Variants in LOC122539214 observed in about 807,000 individuals in gnomAD.
the LOC122539214 span, among the ~76,000 whole-genome samples, chr19:52,656,226 C>CTCTATA: frequency 2.1e-3 from 309 of 145,044 alleles, no homozygotes; most frequent in African/African-American, 6.7e-3. Context: ...CTCTCTCTCT[C>CTCTATA]TATATATATA....
the LOC122539214 span, among the ~76,000 whole-genome samples, chr19:52,674,928 C>T: frequency 9.7e-3 from 1,478 of 152,274 alleles, 11 homozygotes; most frequent in Non-Finnish European, 0.015. Flanking sequence ...CCTCTGTTGG[C>T]CAGGCTGGTC....
chr19:52,654,268 T>C, the LOC122539214 span: 12 of 1,558,288 alleles, frequency 7.7e-6, no homozygotes, highest in Non-Finnish European at 9.7e-6. Context: ...GTCATGAATA[T>C]CTTTCTTGAT....
chr19:52,674,070 A>G, the LOC122539214 span: 13 of 151,780 alleles, frequency 8.6e-5, no homozygotes, highest in Admixed American at 3.3e-4. Context: ...GGAAAGCACC[A>G]CACATTTGCA....
chr19:52,655,728 G>C, the LOC122539214 span: 1 of 801,002 alleles, frequency 1.2e-6, no homozygotes. Context: ...TTAGGGAGGA[G>C]TCATTACCTT....
At chr19:52,667,094 A>G in the LOC122539214 span, among the ~76,000 whole-genome samples, 1 of 152,190 alleles carries the variant, frequency 6.6e-6, no homozygotes, top group Non-Finnish European at 1.5e-5. Flanking sequence ...AACGTTTTCA[A>G]CGAAAGTCAA....
At chr19:52,673,466 A>G in the LOC122539214 span, among the ~76,000 whole-genome samples, 2 of 152,050 alleles carry the variant, frequency 1.3e-5, no homozygotes, top group East Asian at 1.9e-4. Flanking sequence ...TCGCACCACT[A>G]CACTCCAGGG....
the LOC122539214 span, among the ~76,000 whole-genome samples, chr19:52,681,280 C>CAAAAAAAAAAAAAAAAAAAA: frequency 2.0e-4 from 15 of 75,420 alleles, no homozygotes; most frequent in African/African-American, 2.8e-4. Context: ...GAGACTTTCT[C>CAAAAAAAAAAAAAAAAAAAA]AAAAAAAAAA....
chr19:52,681,200 T>TCGAGCCCAGGAGACC, the LOC122539214 span, among the ~76,000 whole-genome samples: 1 of 140,328 alleles, frequency 7.1e-6, no homozygotes, highest in South Asian at 2.3e-4. Context: ...TAGGAGAATC[T>TCGAGCCCAGGAGACC]CGAGCCCAGG....
chr19:52,654,415 A>G, the LOC122539214 span: 3 of 1,047,892 alleles, frequency 2.9e-6, no homozygotes, highest in Non-Finnish European at 2.7e-6. Context: ...TAAAAAATAT[A>G]AAGACCAATA....
the LOC122539214 span, among the ~76,000 whole-genome samples, chr19:52,670,140 T>A: frequency 1.3e-5 from 2 of 152,118 alleles, no homozygotes; most frequent in South Asian, 2.1e-4. Context: ...CTCATTCTGA[T>A]CACCTGCTCC....
the LOC122539214 span, among the ~76,000 whole-genome samples, chr19:52,668,601 C>G: frequency 1.3e-5 from 2 of 152,108 alleles, no homozygotes; most frequent in Non-Finnish European, 2.9e-5. Context: ...TATGACATGC[C>G]TCGTGCCAAA....
the LOC122539214 span, among the ~76,000 whole-genome samples, chr19:52,685,115 C>T: frequency 6.6e-6 from 1 of 152,114 alleles, no homozygotes; most frequent in Admixed American, 6.6e-5. Context: ...ATTCTAGTTA[C>T]AACTGGGCAC....
chr19:52,678,076 T>C, the LOC122539214 span, among the ~76,000 whole-genome samples: 64 of 151,076 alleles, frequency 4.2e-4, no homozygotes, highest in African/African-American at 1.3e-3. Context: ...CAGACCCAGA[T>C]GGAGATTGTT....
At chr19:52,666,027 G>A in the LOC122539214 span, among the ~76,000 whole-genome samples, 1 of 151,914 alleles carries the variant, frequency 6.6e-6, no homozygotes, top group South Asian at 2.1e-4. Flanking sequence ...AGCCGGGCAT[G>A]GTGATGGGTG....
chr19:52,682,798 T>A, the LOC122539214 span, among the ~76,000 whole-genome samples: 4 of 151,988 alleles, frequency 2.6e-5, no homozygotes, highest in African/African-American at 9.7e-5. Flanking sequence ...AGCCCAGGAG[T>A]TCAAGGCTGC....
At chr19:52,659,909 G>A in the LOC122539214 span, among the ~76,000 whole-genome samples, 1 of 152,056 alleles carries the variant, frequency 6.6e-6, no homozygotes, top group African/African-American at 2.4e-5. Context: ...GATATTTCTC[G>A]GCTGGGTGGG....
At chr19:52,673,392 A>G in the LOC122539214 span, among the ~76,000 whole-genome samples, 5 of 152,168 alleles carry the variant, frequency 3.3e-5, no homozygotes, top group Non-Finnish European at 7.3e-5. Context: ...AATCTCAGAT[A>G]TTCAGGAGGC....
chr19:52,683,695 A>T, the LOC122539214 span, among the ~76,000 whole-genome samples: 720 of 152,166 alleles, frequency 4.7e-3, 6 homozygotes, highest in East Asian at 8.2e-3. Context: ...CTGACCTTAG[A>T]GAGGCCTTCT....
At chr19:52,661,107 C>T in the LOC122539214 span, among the ~76,000 whole-genome samples, 1 of 151,986 alleles carries the variant, frequency 6.6e-6, no homozygotes, top group East Asian at 1.9e-4. Flanking sequence ...TTGAGATCTG[C>T]CCACCTCAGC....
Sources: allele counts gnomAD v4.1 joint callset (sites outside exome capture counted in the v4.1 genomes callset), GRCh38; gene constraint gnomAD v4.1.1; transcripts MANE v1.5.